COL24A1: variants seen among roughly 807,000 people sequenced by gnomAD.
COL24A1 encodes the protein collagen alpha-1(XXIV) chain.
Under a neutral mutation model 253.9 loss-of-function variants are expected in COL24A1, and 224 were observed. That is an observed-to-expected ratio of 0.88 (90% CI 0.79 to 0.99). The LOEUF is 0.99. COL24A1 is among the 50% of genes least tolerant of loss of function. The pLI is 0.00. For synonymous variants in COL24A1, 685 were observed against 673.7 expected, an observed-to-expected ratio of 1.02 and a Z score of -0.26; for missense variants, 2,131 against 2,068.5, an observed-to-expected ratio of 1.03 and a Z score of -0.59.
intron 5 of COL24A1, among the ~76,000 whole-genome samples, chr1:86,112,304 T>A (rs530755338): frequency 6.6e-6 from 1 of 152,294 alleles, no homozygotes; most frequent in South Asian, 2.1e-4. Flanking sequence ...TGCCATCATA[T>A]TTTTGATAAC....
intron 53 of COL24A1, among the ~76,000 whole-genome samples, chr1:85,768,996 ATTC>A (rs1266395899): frequency 6.7e-5 from 2 of 29,846 alleles, no homozygotes; most frequent in Admixed American, 3.5e-4. Flanking sequence ...TGAGCACAGA[ATTC>A]AATAAATTCA....
chr1:86,086,017 T>C (rs1703037919), intron 7 of COL24A1, among the ~76,000 whole-genome samples: 1 of 152,150 alleles, frequency 6.6e-6, no homozygotes, highest in Non-Finnish European at 1.5e-5. Flanking sequence ...ACCTCAACAG[T>C]TTTTATGAGT....
At chr1:85,922,169 G>A (rs115521904) in intron 24 of COL24A1, among the ~76,000 whole-genome samples, 2,293 of 152,212 alleles carry the variant, frequency 0.015, 48 homozygotes, top group African/African-American at 0.052. Context: ...GGGATTATGC[G>A]AAAAGACCAA....
chr1:85,849,149 G>A (rs1677479455), intron 38 of COL24A1, among the ~76,000 whole-genome samples: 1 of 152,040 alleles, frequency 6.6e-6, no homozygotes, highest in African/African-American at 2.4e-5. Flanking sequence ...CTACAAAATG[G>A]AAAATTTGCC....
At chr1:85,770,578 A>G (rs1667846816) in intron 53 of COL24A1, among the ~76,000 whole-genome samples, 1 of 152,148 alleles carries the variant, frequency 6.6e-6, no homozygotes, top group Non-Finnish European at 1.5e-5. Flanking sequence ...TGCTTAAAAA[A>G]TTACTTATAA....
intron 5 of COL24A1, among the ~76,000 whole-genome samples, chr1:86,109,262 A>G (rs1220887511): frequency 6.6e-6 from 1 of 152,204 alleles, no homozygotes; most frequent in Non-Finnish European, 1.5e-5. Flanking sequence ...GATTTTAAAG[A>G]GTCGTTTTTC....
chr1:86,011,179 T>C (rs1696453195), intron 19 of COL24A1, among the ~76,000 whole-genome samples: 1 of 144,750 alleles, frequency 6.9e-6, no homozygotes, highest in South Asian at 2.2e-4. Context: ...CTTACATGGT[T>C]TTAAAGAAAA....
chr1:85,971,128 G>C lies in COL24A1; in HGVS notation c.2418+212C>G, dbSNP rs548612715. ...GGAGGGTGAGGCAGGAGGATTGCTG[G>C]AGCCCAGGAGGTCGAGGCTGCAGTG... is the stretch of plus-strand genomic sequence containing the variant. On this transcript the variant is annotated intron_variant, in intron 21 of 59. Coordinates refer to ENST00000370571, the MANE Select transcript of COL24A1 (RefSeq NM_152890.7). 2.6e-5 allele frequency among the ~76,000 whole-genome samples: 4 copies of C among 152,178 alleles called. No homozygotes were observed. In the East Asian group the frequency reaches 5.8e-4, roughly 22 times the overall value.
intron 43 of COL24A1, among the ~76,000 whole-genome samples, chr1:85,828,076 T>G (rs1382401347): frequency 2.0e-5 from 3 of 152,138 alleles, no homozygotes; most frequent in Non-Finnish European, 2.9e-5. Context: ...TAAATTTCCC[T>G]CTACACACTG....
intron 54 of COL24A1, 42 bp downstream of exon 54, chr1:85,761,489 T>G (rs1191005192): frequency 3.7e-6 from 6 of 1,613,748 alleles, no homozygotes; most frequent in Non-Finnish European, 4.2e-6. Flanking sequence ...GGCAAACATA[T>G]AAGCATCAAT....
In COL24A1 at chr1:85,971,384, C is replaced by T. The variant is rs1692153491; in HGVS notation, c.2374G>A (p.Gly792Arg). 6.2e-7 allele frequency: 1 copy of T among 1,611,190 alleles called. No individual in the cohort carries two copies. Among genetic ancestry groups the T allele is most frequent in the Non-Finnish European group, 8.5e-7 (1 of 1,178,642 alleles). ...NGPEGPKGLL[G>R]NRGPPGPPGL... ...GGAGGTCCAGGAGGTCCTCTATTTC[C>T]AAGGAGTCCCTATAAAAGCAATATA... Residue 792 changes from glycine to arginine, a missense_variant, in exon 21 of 60, where the codon GGA (glycine) becomes AGA (arginine). Coordinates refer to ENST00000370571, the MANE Select transcript of COL24A1 (RefSeq NM_152890.7).
intron 55 of COL24A1, among the ~76,000 whole-genome samples, chr1:85,755,539 T>C (rs1408129352): frequency 3.2e-5 from 4 of 126,920 alleles, no homozygotes; most frequent in Non-Finnish European, 7.0e-5. Context: ...ACATAAAGAA[T>C]GAAATATAAT....
chr1:85,904,690 G>A (rs996101934), intron 28 of COL24A1, among the ~76,000 whole-genome samples: 38 of 152,112 alleles, frequency 2.5e-4, no homozygotes, highest in African/African-American at 8.4e-4. Flanking sequence ...GATATTTTTA[G>A]TCAATCCTGT....
chr1:85,743,352 GCT>G (rs1401232499), intron 57 of COL24A1, among the ~76,000 whole-genome samples: 1 of 152,062 alleles, frequency 6.6e-6, no homozygotes, highest in Non-Finnish European at 1.5e-5. Context: ...TGCCTGGAAA[GCT>G]CTTTCTCTAG....
intron 8 of COL24A1, among the ~76,000 whole-genome samples, chr1:86,062,113 T>C (rs1412272142): frequency 6.6e-6 from 1 of 152,094 alleles, no homozygotes; most frequent in Non-Finnish European, 1.5e-5. Context: ...TTAATTAACA[T>C]ATGTAAAACT....
chr1:86,042,716 G>A (rs7552025), intron 12 of COL24A1, among the ~76,000 whole-genome samples: 34,343 of 151,890 alleles, frequency 0.23, 4,247 homozygotes, highest in Middle Eastern at 0.44. Context: ...ACTTAATTCC[G>A]TGCTTTGTGT....
At chr1:85,884,621 G>A (rs899582501) in intron 32 of COL24A1, among the ~76,000 whole-genome samples, 1 of 152,140 alleles carries the variant, frequency 6.6e-6, no homozygotes, top group Non-Finnish European at 1.5e-5. Flanking sequence ...AAGGCCAGAG[G>A]GGGCTGGAGT....
At chr1:85,874,804 A>T in intron 34 of COL24A1, 102 bp from the exon 35 acceptor site, 1 of 1,275,588 alleles carries the variant, frequency 7.8e-7, no homozygotes, top group Non-Finnish European at 1.1e-6. Flanking sequence ...CCTGGGCCGT[A>T]GAGGGTACCT....
At chr1:85,956,608 C>A (rs1472570208) in intron 24 of COL24A1, among the ~76,000 whole-genome samples, 1 of 152,174 alleles carries the variant, frequency 6.6e-6, no homozygotes, top group Non-Finnish European at 1.5e-5. Context: ...GGCCAGACTA[C>A]TGGACAATCA....
Sources: allele counts gnomAD v4.1 joint callset (sites outside exome capture counted in the v4.1 genomes callset), GRCh38; gene constraint gnomAD v4.1.1; transcripts MANE v1.5; gene names NCBI Gene and HGNC (gene_info 2026-07-23, HGNC 2026-07-21).